The following MNAT1 variants were observed in gnomAD, a reference collection of about 807,000 sequenced individuals.
MNAT1 encodes the protein MNAT1 component of CDK activating kinase, also known as CDK-activating kinase assembly factor MAT1.
MNAT1 carries 43 observed loss-of-function variants against 42.0 expected under a neutral mutation model. The ratio of observed to expected loss-of-function variants is 1.02; its 90% CI spans 0.80 to 1.32. MNAT1 has a LOEUF of 1.32. Among genes scored for constraint, MNAT1 ranks in the 40% most tolerant of loss-of-function variants. MNAT1 has a pLI of 0.00. For synonymous variants in MNAT1, 118 were observed against 120.0 expected, an observed-to-expected ratio of 0.98 and a Z score of 0.11; for missense variants, 306 against 350.4, an observed-to-expected ratio of 0.87 and a Z score of 1.01.
chr14:60,818,318 A>G (rs897346430), intron 5 of MNAT1, among the ~76,000 whole-genome samples: 1 of 152,020 alleles, frequency 6.6e-6, no homozygotes, highest in Non-Finnish European at 1.5e-5. Context: ...AAACGGTCTC[A>G]GGTGAAATCT....
chr14:60,861,190 G>A (rs1228470707), intron 6 of MNAT1, among the ~76,000 whole-genome samples: 2 of 152,076 alleles, frequency 1.3e-5, no homozygotes, highest in South Asian at 4.1e-4. Flanking sequence ...TATAACACTT[G>A]AAAAACACTT....
intron 6 of MNAT1, among the ~76,000 whole-genome samples, chr14:60,857,035 C>T (rs767434124): frequency 5.9e-5 from 9 of 152,164 alleles, no homozygotes; most frequent in Non-Finnish European, 1.0e-4. Flanking sequence ...ATTTACTCCA[C>T]CTGTGCTCTA....
chr14:60,775,015 C>A (rs928301579), intron 1 of MNAT1, among the ~76,000 whole-genome samples: 1 of 152,052 alleles, frequency 6.6e-6, no homozygotes, highest in Non-Finnish European at 1.5e-5. Context: ...ATTTGGGAGG[C>A]ACATTTACAG....
At chr14:60,893,793 C>T (rs552056209) in intron 7 of MNAT1, among the ~76,000 whole-genome samples, 1 of 152,236 alleles carries the variant, frequency 6.6e-6, no homozygotes, top group South Asian at 2.1e-4. Context: ...CAGAGGGCTT[C>T]TCTCTTGGTG....
rs1449768533 is a variant in MNAT1 at position 60,920,504 on chromosome 14, C to G, written c.809+40669C>G. Among the ~76,000 whole-genome samples, 4 of 152,258 alleles carry G rather than the reference C, an allele frequency of 2.6e-5. 1 individual carries two copies. The South Asian group carries it at 8.3e-4, about 32-fold the overall frequency. On this transcript the variant is annotated intron_variant, in intron 7 of 7. Transcript: ENST00000261245. Reference sequence around the variant, plus strand: ...GCGCGATTTCGTCTCACTGCAACCTCTGCCTCCTGGGTGCAAGCAATTCTC... The same window carrying G: ...GCGCGATTTCGTCTCACTGCAACCTGTGCCTCCTGGGTGCAAGCAATTCTC...
chr14:60,781,975 T>TGTGTGTGA (rs1566763317), intron 1 of MNAT1, among the ~76,000 whole-genome samples: 38 of 129,644 alleles, frequency 2.9e-4, no homozygotes, highest in Admixed American at 8.3e-4. Context: ...GTGTGTGTGA[T>TGTGTGTGA]TTTTTTTTTT....
intron 4 of MNAT1, 28 bp downstream of exon 4, chr14:60,808,456 T>C (rs201302794): frequency 7.5e-7 from 1 of 1,327,048 alleles, no homozygotes; most frequent in Non-Finnish European, 1.0e-6. Flanking sequence ...TTCTTCTTAT[T>C]TTGTCTTAGA....
At chr14:60,837,280 AC>A (rs2139394665) in intron 6 of MNAT1, among the ~76,000 whole-genome samples, 1 of 152,202 alleles carries the variant, frequency 6.6e-6, no homozygotes, top group Admixed American at 6.5e-5. Flanking sequence ...GAAAAAAGAA[AC>A]TGCAGCTAGC....
intron 1 of MNAT1, among the ~76,000 whole-genome samples, chr14:60,792,684 G>T (rs912726980): frequency 2.0e-5 from 3 of 152,116 alleles, no homozygotes; most frequent in Admixed American, 6.5e-5. Flanking sequence ...ATGGAATATA[G>T]TTGCTCTTTA....
chr14:60,802,230 T>C (rs2032227024), intron 3 of MNAT1, among the ~76,000 whole-genome samples: 1 of 152,124 alleles, frequency 6.6e-6, no homozygotes, highest in Admixed American at 6.6e-5. Flanking sequence ...AAATTTCAAT[T>C]AGACAGGAGG....
intron 6 of MNAT1, among the ~76,000 whole-genome samples, chr14:60,869,765 A>G (rs2034288892): frequency 6.6e-6 from 1 of 152,154 alleles, no homozygotes. Context: ...TATCTCAACA[A>G]TCTATATACT....
chr14:60,955,616 G>A (rs1594908786), intron 7 of MNAT1, among the ~76,000 whole-genome samples: 2 of 152,124 alleles, frequency 1.3e-5, no homozygotes, highest in Admixed American at 1.3e-4. Flanking sequence ...AGCCAAGATC[G>A]CACCATTGCA....
chr14:60,845,512 G>A (rs1233828400), intron 6 of MNAT1, among the ~76,000 whole-genome samples: 1 of 151,728 alleles, frequency 6.6e-6, no homozygotes, highest in Admixed American at 6.6e-5. Context: ...TCACTGAACC[G>A]GTTTTTTCTT....
chr14:60,910,016 G>C (rs201166485), intron 7 of MNAT1, among the ~76,000 whole-genome samples: 138,400 of 152,060 alleles, frequency 0.91, 63,771 homozygotes, highest in Non-Finnish European at 0.99. Flanking sequence ...GTGGTTTGTA[G>C]TTCTCCTTGA....
At chr14:60,875,606 C>G (rs1018329821) in intron 6 of MNAT1, among the ~76,000 whole-genome samples, 1 of 152,028 alleles carries the variant, frequency 6.6e-6, no homozygotes, top group South Asian at 2.1e-4. Flanking sequence ...GATATACATA[C>G]AAAACCCTTT....
At chr14:60,842,231 A>G (rs569215341) in intron 6 of MNAT1, among the ~76,000 whole-genome samples, 2 of 152,372 alleles carry the variant, frequency 1.3e-5, no homozygotes, top group Admixed American at 1.3e-4. Context: ...TGCAAAGCCT[A>G]AAATACTTAT....
intron 1 of MNAT1, among the ~76,000 whole-genome samples, chr14:60,784,342 ATT>A (rs571413726): frequency 7.2e-6 from 1 of 138,474 alleles, no homozygotes; most frequent in African/African-American, 2.7e-5. Context: ...AACTAAAAAC[ATT>A]TTTTTTTTTT....
chr14:60,880,442 T>G (rs1158747037), intron 7 of MNAT1, among the ~76,000 whole-genome samples: 1 of 152,198 alleles, frequency 6.6e-6, no homozygotes, highest in Non-Finnish European at 1.5e-5. Context: ...GCACAGATGT[T>G]GCTAGATGGA....
At chr14:60,880,047 C>T in intron 7 of MNAT1, 3 of 330,958 alleles carry the variant, frequency 9.1e-6, no homozygotes, top group East Asian at 5.1e-5. Flanking sequence ...GGAATACATT[C>T]GTTCTTTTAG....
Sources: allele counts gnomAD v4.1 joint callset (sites outside exome capture counted in the v4.1 genomes callset), GRCh38; gene constraint gnomAD v4.1.1; transcripts MANE v1.5; gene names NCBI Gene and HGNC (gene_info 2026-07-23, HGNC 2026-07-21).